Variants in SND1 observed in about 807,000 individuals in gnomAD.
SND1 encodes the protein staphylococcal nuclease domain-containing protein 1.
SND1 carries 38 observed loss-of-function variants against 121.7 expected under a neutral mutation model. That is an observed-to-expected ratio of 0.31 (90% CI 0.24 to 0.41). The LOEUF (loss-of-function observed/expected upper bound fraction) is 0.41, where lower values mean the gene tolerates loss of function less well. Ranked by LOEUF, SND1 falls within the 10% of genes least tolerant of loss-of-function variation. The probability of loss-of-function intolerance (pLI) is 1.00; values close to 1 mark genes in which losing one functional copy is unlikely to be tolerated. For synonymous variants in SND1, 401 were observed against 447.4 expected (o/e 0.90, Z 1.31); for missense variants, 868 against 1,184.6 (o/e 0.73, Z 3.92).
chr7:127,916,516 T>C (rs1800583193), intron 14 of SND1, among the ~76,000 whole-genome samples: 1 of 152,126 alleles, frequency 6.6e-6, no homozygotes, highest in Admixed American at 6.5e-5. Context: ...CACCTAGATG[T>C]GAGTGTACCA....
intron 10 of SND1, among the ~76,000 whole-genome samples, chr7:127,750,028 A>G (rs994867721): frequency 3.9e-5 from 6 of 152,132 alleles, no homozygotes; most frequent in Non-Finnish European, 7.3e-5. Flanking sequence ...TGAGCCCAGG[A>G]GGTGAAGGCT....
At chr7:127,730,882 CT>C (rs1357607636) in intron 10 of SND1, among the ~76,000 whole-genome samples, 1 of 152,224 alleles carries the variant, frequency 6.6e-6, no homozygotes, top group Admixed American at 6.5e-5. Context: ...ACCACTCTGC[CT>C]TTCCTAGGAC....
intron 15 of SND1, among the ~76,000 whole-genome samples, chr7:127,938,411 A>G (rs1332696337): frequency 1.3e-5 from 2 of 152,242 alleles, no homozygotes; most frequent in African/African-American, 4.8e-5. Context: ...GGCCATACAA[A>G]TAATGTAAAC....
intron 1 of SND1, among the ~76,000 whole-genome samples, chr7:127,661,204 G>A (rs1025308810): frequency 2.6e-5 from 4 of 152,162 alleles, no homozygotes; most frequent in Admixed American, 1.3e-4. Flanking sequence ...TTGGGCTGGG[G>A]TCCTCAGGGT....
intron 1 of SND1, among the ~76,000 whole-genome samples, chr7:127,667,432 G>A (rs1349456732): frequency 6.6e-6 from 1 of 152,096 alleles, no homozygotes; most frequent in Non-Finnish European, 1.5e-5. Context: ...TTGATATTTT[G>A]TACAGTACAT....
intron 13 of SND1, among the ~76,000 whole-genome samples, chr7:127,902,604 G>A (rs569893569): frequency 1.3e-5 from 2 of 152,284 alleles, no homozygotes; most frequent in South Asian, 4.1e-4. Context: ...AATCCCAAAG[G>A]GTGAGTGGCA....
chr7:127,925,483 A>G (rs966265796), intron 14 of SND1, among the ~76,000 whole-genome samples: 5 of 152,302 alleles, frequency 3.3e-5, no homozygotes, highest in African/African-American at 1.2e-4. Context: ...TAGCATATAG[A>G]TACATAAGCA....
chr7:127,695,129 C>T (rs1294589223), intron 3 of SND1, among the ~76,000 whole-genome samples, 181 bp downstream of exon 3: 1 of 152,072 alleles, frequency 6.6e-6, no homozygotes, highest in African/African-American at 2.4e-5. Flanking sequence ...AGAGGCATGC[C>T]CCCGGTGTTC....
rs564957262 is a variant in SND1, at chr7:127,842,888, TC to T, written c.1243-1435del. 4.0e-3 allele frequency among the ~76,000 whole-genome samples: 605 copies of T among 152,264 alleles called. 3 individuals carry two copies. Among genetic ancestry groups the T allele is most frequent in the Admixed American group, 6.5e-3 (99 of 15,276 alleles). ...TGACAGACAGATTATATGGAGTTTTTCTATGGAGGCAGTTCATATTTTTAAA... is the reference window on the plus strand; with the variant it reads ...TGACAGACAGATTATATGGAGTTTTTTATGGAGGCAGTTCATATTTTTAAA... On this transcript the variant is annotated intron_variant, in intron 11 of 23. Transcript: ENST00000354725.
chr7:128,085,603 T>C lies in SND1; in HGVS notation c.2235-108T>C, dbSNP rs1302961506. ...AGTTACTGTCCCCTGTGACACCCGT[T>C]GAACCCAGGCAGGGAAATGCTGTGC... On this transcript the variant is annotated intron_variant, in intron 19 of 23. Transcript: ENST00000354725. This position sits in a 1 kb window ranked among gnomAD's most constrained non-coding sequence, Gnocchi z 4.4. 1.0e-6 allele frequency: 1 copy of C among 964,882 alleles called. No individual in the cohort carries two copies. Among genetic ancestry groups the C allele is most frequent in the Non-Finnish European group, 1.6e-6 (1 of 609,790 alleles). The allele number at this position is 964,882 out of a possible 1,614,324, so 59.8% of individuals were successfully genotyped here. A position where few individuals can be genotyped will look rare whatever the true frequency, so the allele number is the denominator to read the frequency against.
chr7:128,039,955 T>C (rs1282094517), intron 16 of SND1, among the ~76,000 whole-genome samples: 2 of 152,168 alleles, frequency 1.3e-5, no homozygotes, highest in Non-Finnish European at 2.9e-5. Context: ...GTGCCAGAGC[T>C]ATAGCACAGT....
intron 15 of SND1, among the ~76,000 whole-genome samples, chr7:127,989,161 C>T (rs182802861): frequency 4.0e-4 from 61 of 152,278 alleles, no homozygotes; most frequent in Admixed American, 3.4e-3. Flanking sequence ...CCTTGCAGGC[C>T]GGCACTGAAG....
At chr7:127,747,794 T>A (rs1303948367) in intron 10 of SND1, among the ~76,000 whole-genome samples, 1 of 152,248 alleles carries the variant, frequency 6.6e-6, no homozygotes, top group Non-Finnish European at 1.5e-5. Context: ...ATTGTCAATG[T>A]CACCATGTCG....
At chr7:127,705,918 C>T (rs1429320884) in intron 8 of SND1, among the ~76,000 whole-genome samples, 1 of 152,090 alleles carries the variant, frequency 6.6e-6, no homozygotes, top group Admixed American at 6.6e-5. Flanking sequence ...AGTATTTATT[C>T]CATTTCTTAG....
At chr7:128,007,213 G>T (rs544788952) in intron 16 of SND1, among the ~76,000 whole-genome samples, 5 of 152,248 alleles carry the variant, frequency 3.3e-5, no homozygotes, top group African/African-American at 1.2e-4. Context: ...ATCTTCCTCA[G>T]CTTTGTCAGA....
At chr7:128,078,842 A>T (rs746553010) in intron 17 of SND1, among the ~76,000 whole-genome samples, 7 of 152,226 alleles carry the variant, frequency 4.6e-5, no homozygotes, top group Non-Finnish European at 1.0e-4. Context: ...TGGCCCACTC[A>T]GGAACCAGCA....
intron 14 of SND1, among the ~76,000 whole-genome samples, chr7:127,925,713 C>T (rs1256331265): frequency 6.6e-6 from 1 of 151,468 alleles, no homozygotes; most frequent in African/African-American, 2.4e-5. Context: ...AAGCGATTCT[C>T]CTGCCTCAGC....
At chr7:127,707,715 G>A (rs538017523) in intron 9 of SND1, 68 bp downstream of exon 9, 12 of 1,346,868 alleles carry the variant, frequency 8.9e-6, no homozygotes, top group Non-Finnish European at 6.4e-6. Flanking sequence ...ACAAGAATTT[G>A]AACAATTAGA....
rs952734906 is a variant in SND1, at chr7:127,979,118, A to G, written c.1670-11829A>G. On this transcript the variant is annotated intron_variant, in intron 15 of 23. Transcript: ENST00000354725. ...GATCTTTGTTACAAATATTCATGGT[A>G]CAACTCTAGCCCTGTACTATGAAAG... Among the ~76,000 whole-genome samples, 22 of 152,216 alleles carry G rather than the reference A, an allele frequency of 1.4e-4. 1 individual carries two copies. The highest frequency in any genetic ancestry group is 6.5e-5 in the Admixed American group (1 of 15,282).
Sources: gnomAD v4.1 joint callset for allele counts (sites outside exome capture counted in the v4.1 genomes callset) on GRCh38, gnomAD v4.1.1 for gene constraint, Gnocchi (gnomAD v3.1) non-coding constraint, MANE v1.5 for transcripts, NCBI Gene and HGNC (gene_info 2026-07-23, HGNC 2026-07-21) for gene names.